The following TBCE variants were observed in gnomAD, a reference collection of about 807,000 sequenced individuals.
TBCE encodes the protein tubulin-specific chaperone E.
A neutral mutation model predicts 77.0 loss-of-function variants in TBCE; 53 were observed. The observed-to-expected ratio is 0.69, with a 90% CI of 0.55 to 0.87. The LOEUF (loss-of-function observed/expected upper bound fraction) is 0.87, where lower values mean the gene tolerates loss of function less well. Ranked by LOEUF, TBCE falls within the 40% of genes least tolerant of loss-of-function variation. TBCE has a pLI of 0.00. For missense variants in TBCE, 624 were observed against 622.4 expected, an observed-to-expected ratio of 1.00 and a Z score of -0.03; for synonymous variants, 235 against 241.3, an observed-to-expected ratio of 0.97 and a Z score of 0.24.
chr1:235,373,193 G>A (rs988975878), intron 1 of TBCE, among the ~76,000 whole-genome samples: 1 of 151,912 alleles, frequency 6.6e-6, no homozygotes, highest in Non-Finnish European at 1.5e-5. Context: ...AAAAGAAGTA[G>A]AACAAATTAT....
At chr1:235,391,027 G>A (rs1032194726) in intron 2 of TBCE, among the ~76,000 whole-genome samples, 2 of 152,118 alleles carry the variant, frequency 1.3e-5, no homozygotes, top group African/African-American at 4.8e-5. Context: ...ATGGGCTGCA[G>A]CGGTGTTCAT....
At chr1:235,405,804 T>C (rs1485339035) in intron 3 of TBCE, among the ~76,000 whole-genome samples, 1 of 152,172 alleles carries the variant, frequency 6.6e-6, no homozygotes, top group Non-Finnish European at 1.5e-5. Context: ...GTAGTAGGCT[T>C]GTTTACACCA....
intron 3 of TBCE, 25 bp from the exon 4 acceptor site, chr1:235,414,408 T>C: frequency 1.2e-6 from 2 of 1,611,718 alleles, no homozygotes; most frequent in East Asian, 4.5e-5. Flanking sequence ...ATATTTTCTG[T>C]GTTTCATTTG....
chr1:235,434,562 A>C (rs887035285), intron 8 of TBCE, among the ~76,000 whole-genome samples: 1 of 45,354 alleles, frequency 2.2e-5, no homozygotes, highest in Admixed American at 2.1e-4. Context: ...TTTTTGAGAC[A>C]GAGTCTCACT....
chr1:235,393,006 A>G (rs1388381252), intron 2 of TBCE, among the ~76,000 whole-genome samples: 5 of 152,106 alleles, frequency 3.3e-5, no homozygotes, highest in African/African-American at 1.2e-4. Context: ...TGTCTCTAAA[A>G]AAATTAATAA....
Position 235,378,728 on chromosome 1 carries a change from G to A in TBCE, c.-31-1291G>A, listed in dbSNP as rs539651740. 1.5e-3 allele frequency among the ~76,000 whole-genome samples: 231 copies of A among 152,192 alleles called. 3 individuals are homozygous for A. Among genetic ancestry groups the A allele is most frequent in the Non-Finnish European group, 1.2e-4 (8 of 68,006 alleles). On this transcript the variant is annotated intron_variant, in intron 1 of 16. Coordinates refer to ENST00000642610, the MANE Select transcript of TBCE (RefSeq NM_003193.5). ...TGGGTATGGTGGCGTGTGCGTGGTGGCGTGTGCCTGTAATCCCAGTTACTA... is the reference window on the plus strand; with the variant it reads ...TGGGTATGGTGGCGTGTGCGTGGTGACGTGTGCCTGTAATCCCAGTTACTA...
At chr1:235,436,485 C>G in intron 10 of TBCE, 35 bp downstream of exon 10, 2 of 1,610,374 alleles carry the variant, frequency 1.2e-6, no homozygotes, top group South Asian at 2.2e-5. Flanking sequence ...CACTGCCCCC[C>G]CACACTATAC....
Position 235,450,241 on chromosome 1 carries a change from G to A in TBCE, c.*1479G>A, listed in dbSNP as rs751445150. 38 of 1,613,964 alleles carry A rather than the reference G, an allele frequency of 2.4e-5. No individual in the cohort carries two copies. The highest frequency in any genetic ancestry group is 6.7e-5 in the African/African-American group (5 of 74,902). On this transcript the variant is annotated 3_prime_UTR_variant, in exon 17 of 17. Coordinates refer to ENST00000642610, the MANE Select transcript of TBCE (RefSeq NM_003193.5). ...TGACATCGACAAGGATCACCGCACC[G>A]TTCCTTCAGTTTCCACAGTTCCGTC...
rs557359509 is a variant in TBCE, at chr1:235,412,611, C to T, written c.186-1822C>T. 1.1e-3 allele frequency among the ~76,000 whole-genome samples: 167 copies of T among 151,906 alleles called. 2 individuals carry two copies. Among genetic ancestry groups the T allele is most frequent in the African/African-American group, 3.7e-3 (154 of 41,440 alleles). On this transcript the variant is annotated intron_variant, in intron 3 of 16. Transcript: ENST00000642610. ...ATAGGGGTGAGCTACCGCACCCAGC[C>T]CACACTCTCTAAGTTTCTAACTCCC... is the stretch of plus-strand genomic sequence containing the variant.
At position 235,369,402 on chromosome 1, in the gene TBCE, G is replaced by A. The variant is rs563304775; in HGVS notation, c.-32+1898G>A. On this transcript the variant is annotated intron_variant, in intron 1 of 16. Transcript: ENST00000642610. The stretch of plus-strand genomic sequence containing the variant: ...CGTGCCTGTAATCTCAGCTACTCAG[G>A]AGGCTGAGGCAGAAGAATCGCTTGA... Among the ~76,000 whole-genome samples the A allele has an allele frequency of 3.3e-5, 5 of 152,180 alleles. No homozygotes were observed. The South Asian group carries it at 1.0e-3, about 32-fold the overall frequency.
At chr1:235,382,670 T>C (rs1255649083) in intron 2 of TBCE, among the ~76,000 whole-genome samples, 1 of 151,852 alleles carries the variant, frequency 6.6e-6, no homozygotes, top group African/African-American at 2.4e-5. Context: ...CTGTTTGTTT[T>C]TTTCTTGTAA....
intron 3 of TBCE, among the ~76,000 whole-genome samples, chr1:235,407,974 G>A (rs1679551541): frequency 6.6e-6 from 1 of 151,966 alleles, no homozygotes; most frequent in Non-Finnish European, 1.5e-5. Flanking sequence ...CAGTGCTTCT[G>A]TTTCCAAGCA....
chr1:235,422,948 G>A (rs1031575550), intron 5 of TBCE, among the ~76,000 whole-genome samples: 2 of 152,176 alleles, frequency 1.3e-5, no homozygotes, highest in African/African-American at 4.8e-5. Flanking sequence ...GCACTTTTCT[G>A]GAGAAAAATG....
At chr1:235,410,702 T>C (rs1572384086) in intron 3 of TBCE, among the ~76,000 whole-genome samples, 1 of 152,142 alleles carries the variant, frequency 6.6e-6, no homozygotes, top group East Asian at 1.9e-4. Flanking sequence ...CTCTGACATA[T>C]TTCCCCCCTC....
At chr1:235,425,099 C>A (rs1680633807) in intron 5 of TBCE, among the ~76,000 whole-genome samples, 1 of 152,134 alleles carries the variant, frequency 6.6e-6, no homozygotes, top group Admixed American at 6.5e-5. Context: ...TCCTCCACGG[C>A]CTGCCCTCTT....
In TBCE at chr1:235,449,566, A is replaced by G. The variant is rs529950205; in HGVS notation, c.*804A>G. ...TAGATGGCAGAAAGAAAATTTGGGT[A>G]TTAGTCTACCATATAAATGAACTTC... On this transcript the variant is annotated 3_prime_UTR_variant, in exon 17 of 17. Coordinates refer to ENST00000642610, the MANE Select transcript of TBCE (RefSeq NM_003193.5). 1 of 152,604 alleles carries G rather than the reference A, an allele frequency of 6.6e-6. No homozygotes were observed. The highest frequency in any genetic ancestry group is 2.1e-4 in the South Asian group (1 of 4,838). The allele number at this position is 152,604 out of a possible 1,614,324, so 9.5% of individuals were successfully genotyped here. A position where few individuals can be genotyped will look rare whatever the true frequency, so the allele number is the denominator to read the frequency against.
Position 235,371,070 on chromosome 1 carries a change from T to C in TBCE, c.-32+3566T>C, listed in dbSNP as rs1676918336. On this transcript the variant is annotated intron_variant, in intron 1 of 16. Transcript: ENST00000642610. The stretch of plus-strand genomic sequence containing the variant: ...TTTTTTTTTTTTTTTTTTTTTTTTT[T>C]TTGAGACAGAGTGGTTGCTCTTGCT... Among the ~76,000 whole-genome samples, 4 of 121,202 alleles carry C rather than the reference T, an allele frequency of 3.3e-5. No homozygotes were observed. The South Asian group carries it at 1.0e-3, about 31-fold the overall frequency. 79.5% of individuals were successfully genotyped at this position (121,202 alleles called of 152,430 possible). A position where few individuals can be genotyped will look rare whatever the true frequency, so the allele number is the denominator to read the frequency against.
Position 235,430,808 on chromosome 1 carries a change from A to T in TBCE, c.660+4A>T, listed in dbSNP as rs530718156. On this transcript the variant is annotated splice_donor_region_variant and intron_variant, in intron 7 of 16. Coordinates refer to ENST00000642610, the MANE Select transcript of TBCE (RefSeq NM_003193.5). Reference sequence around the variant, plus strand: ...AACAGGAATAACGTGGGCTGAGGTAATCATATTTCTTTGTTTTATTACACA... The same window carrying T: ...AACAGGAATAACGTGGGCTGAGGTATTCATATTTCTTTGTTTTATTACACA... 1.2e-6 allele frequency: 2 copies of T among 1,610,200 alleles called. No homozygotes were observed. The highest frequency in any genetic ancestry group is 1.7e-4 in the Middle Eastern group (1 of 6,042).
intron 5 of TBCE, among the ~76,000 whole-genome samples, chr1:235,421,772 C>T (rs7355089): frequency 0.067 from 10,218 of 152,260 alleles, 649 homozygotes; most frequent in African/African-American, 0.17. Flanking sequence ...AAAGGTCTTT[C>T]CCCAATTCAT....
Sources: allele counts gnomAD v4.1 joint callset (sites outside exome capture counted in the v4.1 genomes callset), GRCh38; gene constraint gnomAD v4.1.1; transcripts MANE v1.5; gene names NCBI Gene and HGNC (gene_info 2026-07-23, HGNC 2026-07-21).